UBAC2: variants seen among roughly 807,000 people sequenced by gnomAD.
The protein encoded by UBAC2 is ubiquitin-associated domain-containing protein 2.
In UBAC2, 26 loss-of-function variants were observed where a neutral mutation model predicts 44.0. That is an observed-to-expected ratio of 0.59 (90% confidence interval 0.43 to 0.82). The LOEUF (loss-of-function observed/expected upper bound fraction) is 0.82, where lower values mean the gene tolerates loss of function less well. Ranked by LOEUF, UBAC2 falls within the 40% of genes least tolerant of loss-of-function variation. The probability of loss-of-function intolerance (pLI) is 0.00; values close to 1 mark genes in which losing one functional copy is unlikely to be tolerated. For missense variants in UBAC2, 329 were observed against 419.4 expected, an observed-to-expected ratio of 0.78 and a Z score of 1.88; for synonymous variants, 155 against 154.3, an observed-to-expected ratio of 1.00 and a Z score of -0.04.
At chr13:99,333,435 CT>C (rs1212027433) in intron 6 of UBAC2, among the ~76,000 whole-genome samples, 1 of 152,222 alleles carries the variant, frequency 6.6e-6, no homozygotes, top group Non-Finnish European at 1.5e-5. Context: ...TTCCAATTTC[CT>C]TTAAAAGGAT....
At chr13:99,223,552 T>G (rs1193553512) in intron 1 of UBAC2, among the ~76,000 whole-genome samples, 9 of 147,936 alleles carry the variant, frequency 6.1e-5, no homozygotes, top group Non-Finnish European at 1.3e-4. Flanking sequence ...GTTTTTTTTT[T>G]TTTTTTTTTT....
Position 99,201,321 on chromosome 13 carries a change from T to A in UBAC2, c.31+382T>A, listed in dbSNP as rs536916227. The stretch of plus-strand genomic sequence containing the variant: ...CCGTCCCCCTTACCATGCCCCATTC[T>A]TTTAGGCTTGGGGGACCGAACTAAC... On this transcript the variant is annotated intron_variant, in intron 1 of 8. Coordinates refer to ENST00000403766, the MANE Select transcript of UBAC2 (RefSeq NM_001144072.2). The A allele has an allele frequency of 7.3e-4, 1,099 of 1,505,008 alleles. 2 individuals carry two copies. Among genetic ancestry groups the A allele is most frequent in the Non-Finnish European group, 8.3e-4 (936 of 1,122,934 alleles). The allele number at this position is 1,505,008 out of a possible 1,614,324, so 93.2% of individuals were successfully genotyped here. A position where few individuals can be genotyped will look rare whatever the true frequency, so the allele number is the denominator to read the frequency against.
intron 4 of UBAC2, among the ~76,000 whole-genome samples, chr13:99,289,685 C>T (rs536732074): frequency 2.0e-5 from 3 of 152,050 alleles, no homozygotes; most frequent in Non-Finnish European, 4.4e-5. Flanking sequence ...GTTGCAGCCA[C>T]GAAATAACCC....
At chr13:99,321,104 A>G (rs1302974288) in intron 6 of UBAC2, among the ~76,000 whole-genome samples, 1 of 152,242 alleles carries the variant, frequency 6.6e-6, no homozygotes, top group Non-Finnish European at 1.5e-5. Flanking sequence ...ATGTGTGTTA[A>G]GCAATGATTT....
intron 4 of UBAC2, chr13:99,255,536 CA>C: frequency 6.2e-7 from 1 of 1,614,122 alleles, no homozygotes. Context: ...CTAATAAAGG[CA>C]AGAAGCCATA....
intron 1 of UBAC2, among the ~76,000 whole-genome samples, chr13:99,229,560 A>C (rs1405270738): frequency 1.3e-5 from 2 of 152,244 alleles, no homozygotes; most frequent in Admixed American, 6.5e-5. Flanking sequence ...AGGTCATACC[A>C]AAGTGACCAC....
At chr13:99,260,933 A>T (rs1386242737) in intron 4 of UBAC2, among the ~76,000 whole-genome samples, 1 of 152,188 alleles carries the variant, frequency 6.6e-6, no homozygotes, top group Non-Finnish European at 1.5e-5. Context: ...CCATAAGTGA[A>T]TTTTGATTTT....
chr13:99,292,258 C>T (rs1295219794), intron 4 of UBAC2, among the ~76,000 whole-genome samples: 1 of 152,004 alleles, frequency 6.6e-6, no homozygotes, highest in Admixed American at 6.5e-5. Context: ...GCCTCAGCCT[C>T]CTGAGTAGCT....
chr13:99,381,472 A>G (rs895909536), intron 8 of UBAC2, among the ~76,000 whole-genome samples: 12 of 152,244 alleles, frequency 7.9e-5, no homozygotes, highest in African/African-American at 2.7e-4. Flanking sequence ...TACAGGTAGT[A>G]GTAAAGGTAG....
At chr13:99,260,163 A>C (rs145952109) in intron 4 of UBAC2, among the ~76,000 whole-genome samples, 3 of 152,202 alleles carry the variant, frequency 2.0e-5, no homozygotes, top group Non-Finnish European at 4.4e-5. Context: ...TTTCTCTGCC[A>C]TCCGAAGCTG....
chr13:99,344,808 A>C (rs928202280), intron 7 of UBAC2, among the ~76,000 whole-genome samples: 1 of 152,154 alleles, frequency 6.6e-6, no homozygotes, highest in Non-Finnish European at 1.5e-5. Flanking sequence ...AGACAGTTAG[A>C]CTGCTTGGGA....
At chr13:99,286,997 C>T (rs1169688230) in intron 4 of UBAC2, among the ~76,000 whole-genome samples, 1 of 152,122 alleles carries the variant, frequency 6.6e-6, no homozygotes, top group Admixed American at 6.5e-5. Context: ...AGAGAACATA[C>T]TTACCATTTT....
chr13:99,346,432 C>T (rs757936070), intron 7 of UBAC2, among the ~76,000 whole-genome samples: 2 of 152,222 alleles, frequency 1.3e-5, no homozygotes, highest in Non-Finnish European at 2.9e-5. Context: ...GGTTCCAACA[C>T]AAGGCTCCTG....
intron 2 of UBAC2, among the ~76,000 whole-genome samples, chr13:99,240,393 G>C (rs1344068815): frequency 6.6e-6 from 1 of 152,130 alleles, no homozygotes; most frequent in Non-Finnish European, 1.5e-5. Flanking sequence ...AAAAAATGGG[G>C]TTCTAGAAAT....
Position 99,201,478 on chromosome 13 carries a change from A to G in UBAC2, c.31+539A>G, listed in dbSNP as rs775832259. On this transcript the variant is annotated intron_variant, in intron 1 of 8. Transcript: ENST00000403766. The stretch of plus-strand genomic sequence containing the variant: ...ACACACACTGATGAGAGTGCTTTCA[A>G]GTGGAGGGAAGTTAGGAAGTCGTGG... 4.3e-6 allele frequency: 7 copies of G among 1,614,208 alleles called. No homozygotes were observed. In the Admixed American group the frequency reaches 1.2e-4, roughly 27 times the overall value.
intron 4 of UBAC2, among the ~76,000 whole-genome samples, chr13:99,311,567 A>C (rs191433506): frequency 1.1e-4 from 16 of 152,330 alleles, no homozygotes; most frequent in African/African-American, 3.1e-4. Flanking sequence ...CTGCTTTGTT[A>C]ATTTTAAAAA....
chr13:99,385,200 C>T, intron 8 of UBAC2, 28 bp from the exon 9 acceptor site: 2 of 1,555,992 alleles, frequency 1.3e-6, no homozygotes, highest in Non-Finnish European at 1.8e-6. Flanking sequence ...TCAGCGCCCT[C>T]AGGTTTCTGC....
At chr13:99,329,335 AAG>A (rs1289645624) in intron 6 of UBAC2, among the ~76,000 whole-genome samples, 10 of 152,344 alleles carry the variant, frequency 6.6e-5, no homozygotes, top group East Asian at 3.9e-4. Context: ...AAAAGGGGAA[AAG>A]AGTTAAGATT....
intron 6 of UBAC2, among the ~76,000 whole-genome samples, chr13:99,336,672 T>C (rs73568101): frequency 6.6e-4 from 100 of 152,322 alleles, no homozygotes; most frequent in African/African-American, 2.3e-3. Context: ...AAGACCACAC[T>C]GTTTTAGGTA....
Sources: gnomAD v4.1 joint callset for allele counts (sites outside exome capture counted in the v4.1 genomes callset) on GRCh38, gnomAD v4.1.1 for gene constraint, MANE v1.5 for transcripts, NCBI Gene and HGNC (gene_info 2026-07-23, HGNC 2026-07-21) for gene names.